The following CRB1 variants were observed in gnomAD, a reference collection of about 807,000 sequenced individuals.
The protein encoded by CRB1 is crumbs cell polarity complex component 1.
A neutral mutation model predicts 120.0 loss-of-function variants in CRB1; 83 were observed. The ratio of observed to expected loss-of-function variants is 0.69; its 90% CI spans 0.58 to 0.83. The LOEUF is 0.83. Among genes scored for constraint, CRB1 ranks in the 40% least tolerant of loss-of-function variants. The pLI, the probability that CRB1 is intolerant of heterozygous loss-of-function variation, is 0.00. For missense variants in CRB1, 1,699 were observed against 1,687.6 expected (o/e 1.01, Z -0.12); for synonymous variants, 625 against 612.5 (o/e 1.02, Z -0.30).
chr1:197,340,513 T>C (rs1044179397), intron 2 of CRB1, among the ~76,000 whole-genome samples: 1 of 152,050 alleles, frequency 6.6e-6, no homozygotes, highest in Non-Finnish European at 1.5e-5. Context: ...TATAGAAATG[T>C]AGAGAGTGAT....
At position 197,271,424 on chromosome 1, in the gene CRB1, A is replaced by T. The variant is rs79418850; in HGVS notation, c.70+2942A>T. On this transcript the variant is annotated intron_variant, in intron 1 of 11. Coordinates refer to ENST00000367400, the MANE Select transcript of CRB1 (RefSeq NM_201253.3). ...AACCTTTATGTCCTTCCAGTTGAGG[A>T]CATGTGACATGAGGAATATTAGAGC... Among the ~76,000 whole-genome samples the T allele has an allele frequency of 7.4e-4, 113 of 152,246 alleles. 2 individuals are homozygous for T. The East Asian group carries it at 0.021, about 29-fold the overall frequency.
rs1261487876 is a variant in CRB1 at position 197,445,457 on chromosome 1, TACTC to T, written c.4005+3166_4005+3169del. ...AGTTCAATTAACACCACTGAGGACT[TACTC>T]TATGCCAGGAACTGTGATAAGCCTT... is the stretch of plus-strand genomic sequence containing the variant. On this transcript the variant is annotated intron_variant, in intron 11 of 11. Coordinates refer to ENST00000367400, the MANE Select transcript of CRB1 (RefSeq NM_201253.3). Among the ~76,000 whole-genome samples, 6 of 152,330 alleles carry T rather than the reference TACTC, an allele frequency of 3.9e-5. No homozygotes were observed. The South Asian group carries it at 8.3e-4, about 21-fold the overall frequency.
At chr1:197,256,179 G>A in the CRB1 span, among the ~76,000 whole-genome samples, 2 of 150,976 alleles carry the variant, frequency 1.3e-5, no homozygotes, top group African/African-American at 4.9e-5. Flanking sequence ...TGACTTAGTA[G>A]TAGATGACTC....
At chr1:197,248,064 A>G in the CRB1 span, among the ~76,000 whole-genome samples, 1 of 152,014 alleles carries the variant, frequency 6.6e-6, no homozygotes, top group Admixed American at 6.6e-5. Context: ...TCAAAATTGT[A>G]TATTTTAAGT....
chr1:197,424,188 G>A (rs912628685), intron 6 of CRB1, among the ~76,000 whole-genome samples: 2 of 152,108 alleles, frequency 1.3e-5, no homozygotes, highest in African/African-American at 4.8e-5. Flanking sequence ...GCCAAATGTA[G>A]TGGCTCAAAT....
intron 11 of CRB1, among the ~76,000 whole-genome samples, chr1:197,463,969 A>C (rs1446807906): frequency 1.3e-5 from 2 of 152,170 alleles, no homozygotes; most frequent in Non-Finnish European, 2.9e-5. Context: ...AATAGCAGCA[A>C]ACGAATTTTA....
chr1:197,232,312 A>G, the CRB1 span, among the ~76,000 whole-genome samples: 1 of 152,222 alleles, frequency 6.6e-6, no homozygotes, highest in Non-Finnish European at 1.5e-5. Flanking sequence ...GTAATTTGTT[A>G]CAGTAGTAAT....
chr1:197,296,110 A>C (rs1199674761), intron 1 of CRB1, among the ~76,000 whole-genome samples: 1 of 152,050 alleles, frequency 6.6e-6, no homozygotes. Flanking sequence ...AAATTGTTTA[A>C]ATCTCTCTTG....
At chr1:197,419,897 C>T (rs945307819) in intron 5 of CRB1, among the ~76,000 whole-genome samples, 1 of 151,100 alleles carries the variant, frequency 6.6e-6, no homozygotes, top group Admixed American at 6.6e-5. Flanking sequence ...ATGGTGTAAA[C>T]CCGGGAGGCA....
rs111821637 is a variant in CRB1 at position 197,388,613 on chromosome 1, G to A, written c.1171+31600G>A. Reference sequence around the variant, plus strand: ...AAAAGAATAATTAAATAGCCATTCCGAAAAGAAAAGAAGTAGAAGATAAGA... The same window carrying A: ...AAAAGAATAATTAAATAGCCATTCCAAAAAGAAAAGAAGTAGAAGATAAGA... On this transcript the variant is annotated intron_variant, in intron 5 of 11. Coordinates refer to ENST00000367400, the MANE Select transcript of CRB1 (RefSeq NM_201253.3). Among the ~76,000 whole-genome samples the A allele has an allele frequency of 9.9e-3, 1,495 of 151,630 alleles. 13 individuals are homozygous for A. The highest frequency in any genetic ancestry group is 0.028 in the South Asian group (133 of 4,820).
chr1:197,294,561 T>C (rs1252378127), intron 1 of CRB1, among the ~76,000 whole-genome samples: 5 of 152,122 alleles, frequency 3.3e-5, no homozygotes, highest in Non-Finnish European at 2.9e-5. Flanking sequence ...ACTGAGTATA[T>C]ACCCAATGGA....
At chr1:197,437,091 T>C (rs1665197957) in intron 9 of CRB1, among the ~76,000 whole-genome samples, 1 of 152,138 alleles carries the variant, frequency 6.6e-6, no homozygotes, top group African/African-American at 2.4e-5. Flanking sequence ...ATTTACTAAA[T>C]AATTGAGTCA....
the CRB1 span, among the ~76,000 whole-genome samples, chr1:197,229,583 A>T: frequency 2.6e-5 from 4 of 152,128 alleles, no homozygotes; most frequent in Non-Finnish European, 5.9e-5. Flanking sequence ...CCCAACAGGT[A>T]GTTTTTCAGC....
chr1:197,242,309 G>A, the CRB1 span, among the ~76,000 whole-genome samples: 1 of 152,066 alleles, frequency 6.6e-6, no homozygotes, highest in Non-Finnish European at 1.5e-5. Flanking sequence ...TATTGGCTGT[G>A]GTTTTGTCAT....
intron 1 of CRB1, among the ~76,000 whole-genome samples, chr1:197,274,041 C>T (rs1394390897): frequency 2.0e-5 from 3 of 151,948 alleles, no homozygotes; most frequent in Admixed American, 2.0e-4. Flanking sequence ...CTATAGATAT[C>T]TCTATATGTA....
rs574742644 is a variant in CRB1, at chr1:197,435,476, G to A, written c.3613G>A (p.Gly1205Arg). ...VAAYHCTCEP[G>R]YTGVNCEVDI... is the part of the protein sequence containing the mutation. ...AGCCTACCACTGCACATGTGAGCCT[G>A]GATACACTGGTGTGAACTGTGAAGT... is the stretch of plus-strand genomic sequence containing the variant. Residue 1205 changes from glycine (G) to arginine (R), a missense_variant, in exon 9 of 12, where the codon GGA (glycine) becomes AGA (arginine). Gly to Arg is a moderately radical substitution (Grantham distance 125, BLOSUM62 -2). Transcript: ENST00000367400. The A allele has an allele frequency of 2.5e-6, 4 of 1,602,226 alleles. No homozygotes were observed. In the East Asian group the frequency reaches 6.7e-5, roughly 27 times the overall value.
intron 3 of CRB1, among the ~76,000 whole-genome samples, chr1:197,346,458 G>C (rs1390389225): frequency 6.6e-6 from 1 of 151,996 alleles, no homozygotes; most frequent in Non-Finnish European, 1.5e-5. Flanking sequence ...TGAACAAATG[G>C]AATACTGAAT....
chr1:197,317,367 G>A lies in CRB1; in HGVS notation c.71-11055G>A, dbSNP rs929150529. Among the ~76,000 whole-genome samples, 5 of 152,034 alleles carry A rather than the reference G, an allele frequency of 3.3e-5. No individual in the cohort carries two copies. The South Asian group carries it at 1.0e-3, about 31-fold the overall frequency. On this transcript the variant is annotated intron_variant, in intron 1 of 11. Transcript: ENST00000367400. ...CGGGAAGCGGAGGTTGCAGTGAACC[G>A]AGATCACGCCTTTGCACTCCAGCCT... is the stretch of plus-strand genomic sequence containing the variant.
At chr1:197,279,272 A>T (rs796520395) in intron 1 of CRB1, among the ~76,000 whole-genome samples, 1 of 151,842 alleles carries the variant, frequency 6.6e-6, no homozygotes, top group Non-Finnish European at 1.5e-5. Flanking sequence ...TTTACATTTT[A>T]TATATCAATG....
Sources: allele counts gnomAD v4.1 joint callset (sites outside exome capture counted in the v4.1 genomes callset), GRCh38; gene constraint gnomAD v4.1.1; transcripts MANE v1.5; gene names NCBI Gene and HGNC (gene_info 2026-07-23, HGNC 2026-07-21).